MTREX: variants seen among roughly 807,000 people sequenced by gnomAD.
MTREX encodes Mtr4 exosome RNA helicase, also known as exosome RNA helicase MTR4.
MTREX carries 76 observed loss-of-function variants against 135.4 expected under a neutral mutation model. The ratio of observed to expected loss-of-function variants is 0.56; its 90% confidence interval spans 0.47 to 0.68. The LOEUF is 0.68. Ranked by LOEUF, MTREX falls within the 30% of genes least tolerant of loss-of-function variation. The pLI is 0.00. For missense variants in MTREX, 920 were observed against 1,262.1 expected, an observed-to-expected ratio of 0.73 and a Z score of 4.11; for synonymous variants, 404 against 401.6, an observed-to-expected ratio of 1.01 and a Z score of -0.07.
rs75911420 is a variant in MTREX at position 55,341,759 on chromosome 5, A to C, written c.769A>C (p.Met257Leu). 2 of 1,528,744 alleles carry C rather than the reference A, an allele frequency of 1.3e-6. No individual in the cohort carries two copies. Among genetic ancestry groups the C allele is most frequent in the Non-Finnish European group, 1.8e-6 (2 of 1,105,222 alleles). The allele number at this position is 1,528,744 out of a possible 1,614,324, so 94.7% of individuals were successfully genotyped here. Reference protein sequence around the residue: ...AWVIFDEIHYMRDSERGVVWE... With the variant: ...AWVIFDEIHYLRDSERGVVWE... ...GGTTATATTTGATGAAATTCATTAT[A>C]TGAGAGATTCAGGTATATTCAGTGT... Residue 257 changes from methionine (M) to leucine (L), a missense_variant, in exon 7 of 27, where the codon ATG (methionine) becomes CTG (leucine). Physicochemically the swap from Met to Leu is conservative, Grantham distance 15 (BLOSUM62 2). Transcript: ENST00000230640.
chr5:55,325,366 A>G (rs1049519429), intron 3 of MTREX, among the ~76,000 whole-genome samples: 14 of 137,348 alleles, frequency 1.0e-4, no homozygotes, highest in East Asian at 4.2e-4. Context: ...GAGTCTCACT[A>G]TGTCATCCAG....
intron 18 of MTREX, among the ~76,000 whole-genome samples, chr5:55,384,728 C>G (rs1253080042): frequency 6.6e-6 from 1 of 152,164 alleles, no homozygotes; most frequent in African/African-American, 2.4e-5. Context: ...CTACCTCTTA[C>G]CCCCTATAGT....
rs565560191 is a variant in MTREX at position 55,403,456 on chromosome 5, G to A, written c.2482-1969G>A. Among the ~76,000 whole-genome samples the A allele has an allele frequency of 7.2e-5, 11 of 152,156 alleles. No homozygotes were observed. In the East Asian group the frequency reaches 2.1e-3, roughly 29 times the overall value. On this transcript the variant is annotated intron_variant, in intron 21 of 26. Transcript: ENST00000230640. ...GAAAAAACCAGTGGCATTAACTTCA[G>A]TAATATTTTTATTTAACCCATTATA...
intron 5 of MTREX, among the ~76,000 whole-genome samples, chr5:55,331,676 G>T (rs574580359): frequency 7.2e-4 from 109 of 152,268 alleles, no homozygotes; most frequent in African/African-American, 2.5e-3. Context: ...GTCTCCTCTG[G>T]TATTCTGCCC....
At chr5:55,372,891 AAT>A (rs1491397819) in intron 16 of MTREX, among the ~76,000 whole-genome samples, 91 of 90,598 alleles carry the variant, frequency 1.0e-3, no homozygotes, top group Middle Eastern at 5.8e-3. Flanking sequence ...TTAAAACTGT[AAT>A]GTGTGTGTGT....
rs180972005 is a variant in MTREX, at chr5:55,308,370, A to G, written c.134+223A>G. Among the ~76,000 whole-genome samples, 81 of 152,060 alleles carry G rather than the reference A, an allele frequency of 5.3e-4. 1 individual carries two copies. The highest frequency in any genetic ancestry group is 3.9e-3 in the Admixed American group (59 of 15,280). ...GCAGGCAGCGTGATCTTCTGCTTCAATTCCCTTACGTCGATGTTACTGATT... is the reference window on the plus strand; with the variant it reads ...GCAGGCAGCGTGATCTTCTGCTTCAGTTCCCTTACGTCGATGTTACTGATT... On this transcript the variant is annotated intron_variant, in intron 1 of 26. Coordinates refer to ENST00000230640, the MANE Select transcript of MTREX (RefSeq NM_015360.5).
At chr5:55,395,913 G>A (rs1227234283) in intron 19 of MTREX, among the ~76,000 whole-genome samples, 1 of 152,224 alleles carries the variant, frequency 6.6e-6, no homozygotes, top group East Asian at 1.9e-4. Context: ...GTTCCATGGA[G>A]TAGTGGTGGG....
chr5:55,388,142 T>G (rs1481548810), intron 19 of MTREX, 40 bp downstream of exon 19: 6 of 1,558,642 alleles, frequency 3.8e-6, no homozygotes, highest in Non-Finnish European at 4.4e-6. Context: ...TCAGATATTC[T>G]GTAACTTATT....
At chr5:55,413,063 C>T (rs1004807493) in intron 23 of MTREX, among the ~76,000 whole-genome samples, 3 of 151,758 alleles carry the variant, frequency 2.0e-5, no homozygotes, top group Non-Finnish European at 4.4e-5. Context: ...AATTAGCGAT[C>T]GGGCACAGTG....
chr5:55,371,824 A>C (rs1281882820), intron 16 of MTREX, among the ~76,000 whole-genome samples: 2 of 152,192 alleles, frequency 1.3e-5, no homozygotes, highest in East Asian at 3.9e-4. Flanking sequence ...GACTGTACCT[A>C]AAGTTAATAA....
rs763872215 is a variant in MTREX, at chr5:55,374,264, T to TTATATATATATATATATA, written c.1811-4045_1811-4028dup. On this transcript the variant is annotated intron_variant, in intron 16 of 26. Transcript: ENST00000230640. ...GGAGCAAGACTGTCTCAAAAAACAT[T>TTATATATATATATATATA]TATATATATATATATATATATAAAC... is the stretch of plus-strand genomic sequence containing the variant. 4.9e-4 allele frequency among the ~76,000 whole-genome samples: 69 copies of TTATATATATATATATATA among 139,668 alleles called. No individual in the cohort carries two copies. In the East Asian group the frequency reaches 0.012, roughly 23 times the overall value. 91.6% of individuals were successfully genotyped at this position (139,668 alleles called of 152,430 possible). A position where few individuals can be genotyped will look rare whatever the true frequency, so the allele number is the denominator to read the frequency against.
chr5:55,344,893 T>C (rs898916043), intron 9 of MTREX, among the ~76,000 whole-genome samples: 7 of 152,180 alleles, frequency 4.6e-5, no homozygotes, highest in African/African-American at 1.4e-4. Context: ...GTTTCAGATA[T>C]CTTATGTTTT....
intron 15 of MTREX, among the ~76,000 whole-genome samples, chr5:55,365,537 C>CGA (rs1554032864): frequency 6.6e-6 from 1 of 152,112 alleles, no homozygotes; most frequent in Non-Finnish European, 1.5e-5. Flanking sequence ...CAGGAGTACT[C>CGA]TAAGAGTATT....
In MTREX at chr5:55,318,575, A is replaced by G. The variant is rs148545280; in HGVS notation, c.135-3752A>G. Among the ~76,000 whole-genome samples, 24 of 152,326 alleles carry G rather than the reference A, an allele frequency of 1.6e-4. No individual in the cohort carries two copies. In the East Asian group the frequency reaches 4.4e-3, roughly 28 times the overall value. On this transcript the variant is annotated intron_variant, in intron 1 of 26. Coordinates refer to ENST00000230640, the MANE Select transcript of MTREX (RefSeq NM_015360.5). ...ATAAATGGGAGCTAAAAGATAACTTATGAACACAGAGAAGGAAACAACAGA... is the reference window on the plus strand; with the variant it reads ...ATAAATGGGAGCTAAAAGATAACTTGTGAACACAGAGAAGGAAACAACAGA...
intron 10 of MTREX, among the ~76,000 whole-genome samples, 157 bp from the exon 11 acceptor site, chr5:55,346,856 T>C (rs922859817): frequency 3.9e-5 from 6 of 152,200 alleles, no homozygotes; most frequent in Non-Finnish European, 7.3e-5. Context: ...ATGTTGTTTA[T>C]GCTTTTGTTG....
chr5:55,373,446 T>G (rs146230049), intron 16 of MTREX, among the ~76,000 whole-genome samples: 1 of 152,122 alleles, frequency 6.6e-6, no homozygotes, highest in Non-Finnish European at 1.5e-5. Flanking sequence ...AAGAGACTTA[T>G]AGGAAGGAAA....
intron 15 of MTREX, among the ~76,000 whole-genome samples, chr5:55,360,887 C>A (rs1450608160): frequency 1.3e-5 from 2 of 152,120 alleles, no homozygotes; most frequent in Non-Finnish European, 2.9e-5. Context: ...ATGTTAATTA[C>A]AATAATTATG....
chr5:55,402,285 C>A (rs1195815215), intron 21 of MTREX, among the ~76,000 whole-genome samples: 1 of 152,196 alleles, frequency 6.6e-6, no homozygotes, highest in Non-Finnish European at 1.5e-5. Flanking sequence ...TGGGACACAA[C>A]AAACTTTCAT....
At chr5:55,366,409 G>C (rs1005946164) in intron 15 of MTREX, among the ~76,000 whole-genome samples, 8 of 152,134 alleles carry the variant, frequency 5.3e-5, no homozygotes, top group African/African-American at 1.4e-4. Context: ...AGGGTTGCTC[G>C]AGCCCAAGAT....
Sources: gnomAD v4.1 joint callset for allele counts (sites outside exome capture counted in the v4.1 genomes callset) on GRCh38, gnomAD v4.1.1 for gene constraint, MANE v1.5 for transcripts, NCBI Gene and HGNC (gene_info 2026-07-23, HGNC 2026-07-21) for gene names.